Variants in MROH7 observed in about 807,000 individuals in gnomAD.
MROH7 encodes maestro heat-like repeat-containing protein family member 7.
MROH7 carries 113 observed loss-of-function variants against 129.2 expected under a neutral mutation model. The observed-to-expected ratio is 0.87, with a 90% confidence interval of 0.75 to 1.02. The LOEUF (loss-of-function observed/expected upper bound fraction) is 1.02. Among genes scored for constraint, MROH7 ranks in the 50% least tolerant of loss-of-function variants. The probability of loss-of-function intolerance (pLI) is 0.00; values close to 1 mark genes in which losing one functional copy is unlikely to be tolerated. For missense variants in MROH7, 1,601 were observed against 1,671.3 expected (o/e 0.96, Z 0.73); for synonymous variants, 655 against 667.9 (o/e 0.98, Z 0.30).
chr1:54,652,439 T>C (rs1441463761), intron 2 of MROH7, among the ~76,000 whole-genome samples: 1 of 152,226 alleles, frequency 6.6e-6, no homozygotes, highest in Non-Finnish European at 1.5e-5. Flanking sequence ...GGCACTGGGC[T>C]AGGAGCTGGG....
In MROH7 at chr1:54,703,402, C is replaced by T. The variant is rs887678112; in HGVS notation, c.3564+657C>T. On this transcript the variant is annotated intron_variant, in intron 21 of 23. Coordinates refer to ENST00000421030, the MANE Select transcript of MROH7 (RefSeq NM_001039464.4). The surrounding 1 kb of genome is among the most constrained non-coding windows in gnomAD (Gnocchi z 4.4). ...AACACCAGTCTCACAAAATATGCCC[C>T]AGAGGGAGGAAAAGAAGTTTGAAGA... 6.6e-6 allele frequency among the ~76,000 whole-genome samples: 1 copy of T among 152,154 alleles called. No homozygotes were observed. Among genetic ancestry groups the T allele is most frequent in the East Asian group, 1.9e-4 (1 of 5,196 alleles).
chr1:54,695,531 C>T (rs767438020), intron 17 of MROH7, 41 bp downstream of exon 17: 23 of 1,340,870 alleles, frequency 1.7e-5, no homozygotes, highest in South Asian at 2.4e-5. Context: ...GAGCTCCTCC[C>T]GGGCCTCGGT....
At chr1:54,701,830 C>CA (rs1295621214) in intron 19 of MROH7, among the ~76,000 whole-genome samples, 1 of 152,008 alleles carries the variant, frequency 6.6e-6, no homozygotes, top group Non-Finnish European at 1.5e-5. Context: ...CTCAGCCTCC[C>CA]AAAGTGCTGG....
chr1:54,654,053 G>A lies in MROH7; in HGVS notation c.1127G>A (p.Ser376Asn). ...GTGCCCCTGGAGGAGAATCTGGAGAGTTGGAGTGAGATGGCCAGCATTAAG... is the reference window on the plus strand; with the variant it reads ...GTGCCCCTGGAGGAGAATCTGGAGAATTGGAGTGAGATGGCCAGCATTAAG... ...HTVPLEENLESWSEMASIKVG... is the reference protein window; with the variant it reads ...HTVPLEENLENWSEMASIKVG... The change falls in exon 3 of 24, where the codon AGT becomes AAT. Residue 376 changes from serine to asparagine, a missense_variant. Ser to Asn is a conservative substitution (Grantham distance 46). Transcript: ENST00000421030. 6.2e-7 allele frequency: 1 copy of A among 1,614,230 alleles called. No homozygotes were observed. The highest frequency in any genetic ancestry group is 8.5e-7 in the Non-Finnish European group (1 of 1,180,026).
chr1:54,647,440 G>A (rs776382663), intron 1 of MROH7, among the ~76,000 whole-genome samples: 7 of 151,598 alleles, frequency 4.6e-5, no homozygotes, highest in South Asian at 2.1e-4. Context: ...GTGAAACCCC[G>A]TCTCTACTTA....
chr1:54,687,829 T>C (rs899221516), intron 15 of MROH7, among the ~76,000 whole-genome samples: 6 of 152,196 alleles, frequency 3.9e-5, no homozygotes, highest in African/African-American at 1.2e-4. Context: ...AGTTTTAGTA[T>C]GCGTTTCTCT....
At chr1:54,658,773 G>GGT (rs373709992) in intron 3 of MROH7, among the ~76,000 whole-genome samples, 2 of 151,908 alleles carry the variant, frequency 1.3e-5, no homozygotes, top group African/African-American at 2.4e-5. Flanking sequence ...GAAATTCTTT[G>GGT]GTGTGTGTGT....
chr1:54,704,090 T>C (rs534196549), intron 21 of MROH7, among the ~76,000 whole-genome samples: 3 of 152,208 alleles, frequency 2.0e-5, no homozygotes, highest in African/African-American at 2.4e-5. Context: ...CTAACATAAA[T>C]ATACAAAGCC....
Position 54,673,869 on chromosome 1 carries a change from G to C in MROH7, c.1800+64G>C, listed in dbSNP as rs950161327. 2.6e-6 allele frequency: 4 copies of C among 1,531,234 alleles called. No individual in the cohort carries two copies. In the East Asian group the frequency reaches 9.0e-5, roughly 34 times the overall value. 94.9% of individuals were successfully genotyped at this position (1,531,234 alleles called of 1,614,324 possible). ...AATCTTCCCACTTCTGAAGGAGCCC[G>C]TACCTCTGTTCAGGGATTCCCAGGT... On this transcript the variant is annotated intron_variant, in intron 9 of 23. Transcript: ENST00000421030.
At chr1:54,686,866 G>T (rs1323202685) in intron 15 of MROH7, among the ~76,000 whole-genome samples, 3 of 152,088 alleles carry the variant, frequency 2.0e-5, no homozygotes, top group African/African-American at 7.2e-5. Flanking sequence ...CCTTACCCCA[G>T]TTATGTTCCC....
Position 54,706,057 on chromosome 1 carries a change from G to A in MROH7, c.3565-378G>A, listed in dbSNP as rs1356184317. Reference sequence around the variant, plus strand: ...AGCCCTATTTCTGTCTGGCTTTTAAGACCCCCTGACTCTCCAGTTTATCCC... The same window carrying A: ...AGCCCTATTTCTGTCTGGCTTTTAAAACCCCCTGACTCTCCAGTTTATCCC... On this transcript the variant is annotated intron_variant, in intron 21 of 23. Transcript: ENST00000421030. Among the ~76,000 whole-genome samples, 4 of 152,060 alleles carry A rather than the reference G, an allele frequency of 2.6e-5. No homozygotes were observed. The South Asian group carries it at 8.3e-4, about 32-fold the overall frequency.
At chr1:54,695,554 T>C (rs1458065598) in intron 17 of MROH7, 64 bp downstream of exon 17, 11 of 966,158 alleles carry the variant, frequency 1.1e-5, no homozygotes, top group Non-Finnish European at 1.7e-5. Context: ...ACGTCACTGG[T>C]CATTTCTCCT....
chr1:54,671,011 T>G, intron 7 of MROH7, 82 bp downstream of exon 7: 2 of 1,457,162 alleles, frequency 1.4e-6, no homozygotes, highest in Non-Finnish European at 1.8e-6. Flanking sequence ...TCCGGCTCAT[T>G]GGTCTGTGGC....
intron 10 of MROH7, 94 bp from the exon 11 acceptor site, chr1:54,678,648 T>C: frequency 1.2e-6 from 1 of 831,716 alleles, no homozygotes; most frequent in Non-Finnish European, 2.0e-6. Flanking sequence ...TGAAAATGTA[T>C]CAAGTTAGTT....
intron 2 of MROH7, among the ~76,000 whole-genome samples, chr1:54,652,339 A>T (rs1201622178): frequency 2.0e-5 from 3 of 152,076 alleles, no homozygotes; most frequent in Admixed American, 2.0e-4. Context: ...AAGTGGGGTA[A>T]CTCATAAGGA....
At chr1:54,655,257 C>T (rs1004437240) in intron 3 of MROH7, among the ~76,000 whole-genome samples, 4 of 152,108 alleles carry the variant, frequency 2.6e-5, no homozygotes, top group Admixed American at 6.5e-5. Flanking sequence ...TCAGGTGATC[C>T]GCCTGCCTCA....
At chr1:54,657,704 T>C (rs1644670669) in intron 3 of MROH7, among the ~76,000 whole-genome samples, 1 of 151,610 alleles carries the variant, frequency 6.6e-6, no homozygotes, top group African/African-American at 2.4e-5. Flanking sequence ...TTTTTTGAGA[T>C]GGAGTCTTGA....
In MROH7 at chr1:54,653,900, C is replaced by G. The variant is rs1644599501; in HGVS notation, c.974C>G (p.Ser325Ter). 6.2e-7 allele frequency: 1 copy of G among 1,613,962 alleles called. No individual in the cohort carries two copies. Among genetic ancestry groups the G allele is most frequent in the Non-Finnish European group, 8.5e-7 (1 of 1,179,962 alleles). Residue 325 changes from serine (S) to a stop codon, truncating the protein, a stop_gained, in exon 3 of 24, where the codon TCA becomes TGA. Transcript: ENST00000421030. LOFTEE classifies it high-confidence loss of function. The part of the protein sequence containing the change: ...HEPNSTISPP[S>*]CMTLILGSNE... ...CCCAACTCCACCATCTCTCCACCCTCATGCATGACTCTAATCCTGGGTTCC... is the reference window on the plus strand; with the variant it reads ...CCCAACTCCACCATCTCTCCACCCTGATGCATGACTCTAATCCTGGGTTCC...
chr1:54,709,818 A>T, intron 23 of MROH7, 128 bp from the exon 24 acceptor site: 1 of 1,113,746 alleles, frequency 9.0e-7, no homozygotes. Context: ...TGCCAGGAGG[A>T]AAGTGAGATG....
Sources: gnomAD v4.1 joint callset for allele counts (sites outside exome capture counted in the v4.1 genomes callset) on GRCh38, gnomAD v4.1.1 for gene constraint, Gnocchi (gnomAD v3.1) non-coding constraint, MANE v1.5 for transcripts, NCBI Gene and HGNC (gene_info 2026-07-23, HGNC 2026-07-21) for gene names.